The following PLTP variants were observed in gnomAD, a reference collection of about 807,000 sequenced individuals.
PLTP encodes the protein BPI fold containing family E.
A neutral mutation model predicts 54.1 loss-of-function variants in PLTP; 43 were observed. The ratio of observed to expected loss-of-function variants is 0.79; its 90% confidence interval spans 0.62 to 1.02. The LOEUF is 1.02. Among genes scored for constraint, PLTP ranks in the 50% least tolerant of loss-of-function variants. The probability of loss-of-function intolerance (pLI) is 0.00; values close to 1 mark genes in which losing one functional copy is unlikely to be tolerated. For missense variants in PLTP, 604 were observed against 645.9 expected (o/e 0.94, Z 0.70); for synonymous variants, 263 against 264.6 (o/e 0.99, Z 0.06).
Position 45,907,879 on chromosome 20 carries a change from A to C in PLTP, c.511T>G (p.Phe171Val). The C allele has an allele frequency of 6.3e-7, 1 of 1,588,488 alleles. No individual in the cohort carries two copies. The highest frequency in any genetic ancestry group is 1.3e-5 in the African/African-American group (1 of 74,930). Residue 171 changes from phenylalanine to valine, a missense_variant, in exon 6 of 16, where the codon TTC (phenylalanine) becomes GTC (valine). Coordinates refer to ENST00000372431, the MANE Select transcript of PLTP (RefSeq NM_006227.4). The stretch of plus-strand genomic sequence containing the variant: ...AGGAAGCGCATCCCTGAGGTGATGA[A>C]CGTGGAGAGAAAATCATACACCTTC... ...FKKVYDFLST[F>V]ITSGMRFLLN...
intron 7 of PLTP, 34 bp from the exon 8 acceptor site, chr20:45,906,393 G>T: frequency 6.5e-7 from 1 of 1,550,004 alleles, no homozygotes; most frequent in Non-Finnish European, 8.9e-7. Context: ...TCACGGCTGT[G>T]TGATGTGGGA....
At chr20:45,903,647 C>T (rs1476053040) in intron 10 of PLTP, among the ~76,000 whole-genome samples, 1 of 152,180 alleles carries the variant, frequency 6.6e-6, no homozygotes, top group East Asian at 1.9e-4. Flanking sequence ...GTGTTGGTTC[C>T]TTTAAACCTC....
At chr20:45,900,169 C>G (rs562285652) in intron 12 of PLTP, among the ~76,000 whole-genome samples, 3 of 128,190 alleles carry the variant, frequency 2.3e-5, no homozygotes, top group African/African-American at 9.0e-5. Flanking sequence ...AGTGCAGTGG[C>G]GCGATCTCGG....
chr20:45,909,982 A>T lies in PLTP; in HGVS notation c.289T>A (p.Leu97Met). The T allele has an allele frequency of 2.5e-6, 4 of 1,614,114 alleles. No individual in the cohort carries two copies. Among genetic ancestry groups the T allele is most frequent in the Non-Finnish European group, 3.4e-6 (4 of 1,179,994 alleles). Residue 97 changes from leucine to methionine, a missense_variant, in exon 4 of 16, where the codon TTG becomes ATG. Transcript: ENST00000372431. ...ELMLQITNAS[L>M]GLRFRRQLLY... ...AGCTGTCTCCGGAAGCGCAGCCCCA[A>T]GGAGGCATTGGTGATTTGAAGCATC... is the stretch of plus-strand genomic sequence containing the variant.
At chr20:45,899,807 G>GGGGCCGGGGGCC in intron 13 of PLTP, 29 bp downstream of exon 13, 3 of 1,369,468 alleles carry the variant, frequency 2.2e-6, no homozygotes, top group Non-Finnish European at 3.0e-6. Flanking sequence ...CACGAACCCA[G>GGGGCCGGGGGCC]CCCAGCCCAC....
chr20:45,902,393 AT>A, intron 11 of PLTP, 46 bp downstream of exon 11: 2 of 1,613,898 alleles, frequency 1.2e-6, no homozygotes. Context: ...CCCACAGCCC[AT>A]TTTTCCCTGA....
Sources: gnomAD v4.1 joint callset for allele counts (sites outside exome capture counted in the v4.1 genomes callset) on GRCh38, gnomAD v4.1.1 for gene constraint, MANE v1.5 for transcripts, NCBI Gene and HGNC (gene_info 2026-07-23, HGNC 2026-07-21) for gene names.